Variants in DUSP16 observed in about 807,000 individuals in gnomAD.
The protein encoded by DUSP16 is dual specificity protein phosphatase 16.
In DUSP16, 21 loss-of-function variants were observed where a neutral mutation model predicts 58.3. That is an observed-to-expected ratio of 0.36 (90% CI 0.26 to 0.52). The LOEUF (loss-of-function observed/expected upper bound fraction) is 0.52. DUSP16 is among the 20% of genes least tolerant of loss of function. DUSP16 has a pLI of 0.94. For synonymous variants in DUSP16, 320 were observed against 323.8 expected (o/e 0.99, Z 0.12); for missense variants, 726 against 819.0 (o/e 0.89, Z 1.39).
At chr12:12,513,162 A>G (rs1368268411) in intron 3 of DUSP16, among the ~76,000 whole-genome samples, 1 of 152,244 alleles carries the variant, frequency 6.6e-6, no homozygotes, top group Non-Finnish European at 1.5e-5. Flanking sequence ...GCCTTTAACC[A>G]TAGCAAACAT....
intron 1 of DUSP16, among the ~76,000 whole-genome samples, chr12:12,538,114 A>G (rs1272191715): frequency 6.6e-6 from 1 of 152,208 alleles, no homozygotes; most frequent in Non-Finnish European, 1.5e-5. Context: ...CAGGAGGTTC[A>G]GAGAATCAGG....
intron 1 of DUSP16, among the ~76,000 whole-genome samples, chr12:12,548,630 C>CAAAAAA (rs898316799): frequency 1.1e-4 from 7 of 62,846 alleles, no homozygotes; most frequent in Middle Eastern, 8.9e-3. Context: ...GACTCTGTCT[C>CAAAAAA]AAAAAAAAAA....
intron 3 of DUSP16, among the ~76,000 whole-genome samples, chr12:12,517,073 G>C (rs1030911387): frequency 1.3e-5 from 2 of 152,182 alleles, no homozygotes; most frequent in African/African-American, 4.8e-5. Flanking sequence ...TTTCTTGGGA[G>C]TCCTCTTGTT....
intron 1 of DUSP16, among the ~76,000 whole-genome samples, chr12:12,558,772 A>T (rs1467971543): frequency 7.1e-6 from 1 of 140,128 alleles, no homozygotes; most frequent in Non-Finnish European, 1.6e-5. Flanking sequence ...GTGAAGTTTC[A>T]TTCCTCTCTC....
At chr12:12,550,510 A>C (rs531098642) in intron 1 of DUSP16, among the ~76,000 whole-genome samples, 3 of 152,264 alleles carry the variant, frequency 2.0e-5, no homozygotes, top group African/African-American at 7.2e-5. Flanking sequence ...TGTATCTATC[A>C]CTCTGACAGC....
At chr12:12,522,837 T>C (rs578128294) in intron 1 of DUSP16, among the ~76,000 whole-genome samples, 1 of 152,304 alleles carries the variant, frequency 6.6e-6, no homozygotes, top group South Asian at 2.1e-4. Flanking sequence ...GTGCTGGGAC[T>C]ACAGGTATGA....
intron 3 of DUSP16, among the ~76,000 whole-genome samples, chr12:12,507,607 C>G (rs1566005072): frequency 6.6e-6 from 1 of 152,042 alleles, no homozygotes; most frequent in African/African-American, 2.4e-5. Flanking sequence ...CGGTTAAATT[C>G]TTGTTGTTGT....
chr12:12,500,016 G>A (rs1346374562), intron 4 of DUSP16, among the ~76,000 whole-genome samples: 1 of 151,902 alleles, frequency 6.6e-6, no homozygotes, highest in East Asian at 1.9e-4. Flanking sequence ...TTTAACCCAG[G>A]GAGGCTGGCA....
rs1187712917 is a variant in DUSP16, at chr12:12,477,277, A to C, written c.1554T>G (p.Leu518=). Residue 518 remains leucine, a synonymous_variant, in exon 7 of 7, where the codon CTT becomes CTG. Coordinates refer to ENST00000298573, the MANE Select transcript of DUSP16 (RefSeq NM_030640.3). This position sits in a 1 kb window ranked among gnomAD's most constrained non-coding sequence, Gnocchi z 4.1. The part of the protein sequence containing the change: ...SVEDNYHTSF[L]FGLSTSQQHL... Reference sequence around the variant, plus strand: ...GCTGCTGGCTGGTGGAAAGGCCGAAAAGGAAGCTGGTGTGGTAATTGTCCT... The same window carrying C: ...GCTGCTGGCTGGTGGAAAGGCCGAACAGGAAGCTGGTGTGGTAATTGTCCT... 6.2e-7 allele frequency: 1 copy of C among 1,614,088 alleles called. No individual in the cohort carries two copies. The highest frequency in any genetic ancestry group is 1.3e-5 in the African/African-American group (1 of 74,926).
At chr12:12,558,387 T>G (rs757131672) in intron 1 of DUSP16, among the ~76,000 whole-genome samples, 105 of 101,238 alleles carry the variant, frequency 1.0e-3, no homozygotes, top group East Asian at 1.2e-3. Context: ...AGATTATATG[T>G]TTTTTTTTTT....
At chr12:12,541,357 CCACA>C (rs1456405242) in intron 1 of DUSP16, among the ~76,000 whole-genome samples, 1 of 152,098 alleles carries the variant, frequency 6.6e-6, no homozygotes, top group Non-Finnish European at 1.5e-5. Flanking sequence ...GTCCCCTGCC[CCACA>C]CAAATACAAA....
intron 5 of DUSP16, among the ~76,000 whole-genome samples, chr12:12,484,609 G>A (rs963564908): frequency 4.6e-5 from 7 of 151,956 alleles, no homozygotes; most frequent in African/African-American, 1.2e-4. Flanking sequence ...AACATTAACC[G>A]TAATTTATTT....
chr12:12,480,794 T>C (rs750336031), intron 5 of DUSP16, among the ~76,000 whole-genome samples: 2 of 152,170 alleles, frequency 1.3e-5, no homozygotes, highest in African/African-American at 2.4e-5. Flanking sequence ...TGTCGGCTCA[T>C]TGCAATCTCC....
chr12:12,549,097 T>C (rs1944690460), intron 1 of DUSP16, among the ~76,000 whole-genome samples: 1 of 152,184 alleles, frequency 6.6e-6, no homozygotes, highest in Non-Finnish European at 1.5e-5. Context: ...TTCAATGAAA[T>C]ATGAGTAACT....
At chr12:12,542,689 T>C (rs1437320041) in intron 1 of DUSP16, among the ~76,000 whole-genome samples, 1 of 152,174 alleles carries the variant, frequency 6.6e-6, no homozygotes, top group East Asian at 1.9e-4. Flanking sequence ...CTCAATAAAC[T>C]GTCATTTTTA....
chr12:12,521,468 G>A lies in DUSP16; in HGVS notation c.-365-5C>T, dbSNP rs559943408. On this transcript the variant is annotated splice_region_variant and splice_polypyrimidine_tract_variant and intron_variant, in intron 1 of 6. Transcript: ENST00000298573. ...GCTTTACACTGGACTGAAAGCCTAC[G>A]CGGAGAGAGAAAGACAGAAAACAAA... The A allele has an allele frequency of 5.9e-4, 622 of 1,060,506 alleles. 1 individual carries two copies. Among genetic ancestry groups the A allele is most frequent in the Admixed American group, 6.8e-4 (14 of 20,488 alleles). 65.7% of individuals were successfully genotyped at this position (1,060,506 alleles called of 1,614,324 possible).
intron 1 of DUSP16, among the ~76,000 whole-genome samples, chr12:12,542,732 A>G (rs1040647652): frequency 2.6e-5 from 4 of 152,224 alleles, no homozygotes; most frequent in Non-Finnish European, 5.9e-5. Flanking sequence ...ATGACTCCAG[A>G]TGTAAAGAAA....
intron 3 of DUSP16, among the ~76,000 whole-genome samples, chr12:12,508,531 T>C (rs745458185): frequency 6.6e-6 from 1 of 152,174 alleles, no homozygotes; most frequent in African/African-American, 2.4e-5. Context: ...AACTCTCCAA[T>C]TGAGCCATAC....
chr12:12,485,786 C>CTTTTTTTTTTTTTTTTTTTTTTTTT, intron 5 of DUSP16, among the ~76,000 whole-genome samples: 1 of 107,700 alleles, frequency 9.3e-6, no homozygotes, highest in Non-Finnish European at 1.8e-5. Context: ...GCCAATTCCA[C>CTTTTTTTTTTTTTTTTTTTTTTTTT]TTTTTTTTTT....
Sources: gnomAD v4.1 joint callset for allele counts (sites outside exome capture counted in the v4.1 genomes callset) on GRCh38, gnomAD v4.1.1 for gene constraint, Gnocchi (gnomAD v3.1) non-coding constraint, MANE v1.5 for transcripts, NCBI Gene and HGNC (gene_info 2026-07-23, HGNC 2026-07-21) for gene names.